The following CELF2 variants were observed in gnomAD, a reference collection of about 807,000 sequenced individuals.
CELF2 encodes CUG triplet repeat RNA-binding protein 2.
Under a neutral mutation model 62.6 loss-of-function variants are expected in CELF2, and 8 were observed. That is an observed-to-expected ratio of 0.13 (90% CI 0.07 to 0.23). The LOEUF (loss-of-function observed/expected upper bound fraction) is 0.23. Among genes scored for constraint, CELF2 ranks in the 10% least tolerant of loss-of-function variants. CELF2 has a pLI of 1.00. For synonymous variants in CELF2, 258 were observed against 250.0 expected (o/e 1.03, Z -0.30); for missense variants, 333 against 671.0 (o/e 0.50, Z 5.56).
chr10:10,850,550 A>T (rs1316770765), intron 1 of CELF2, among the ~76,000 whole-genome samples: 1 of 152,202 alleles, frequency 6.6e-6, no homozygotes, highest in African/African-American at 2.4e-5. Flanking sequence ...TCCTCCTTGG[A>T]TCTCATAATA....
chr10:11,101,317 C>G (rs138968143), intron 1 of CELF2, among the ~76,000 whole-genome samples: 92 of 152,242 alleles, frequency 6.0e-4, no homozygotes, highest in African/African-American at 1.9e-3. Flanking sequence ...ATGTACAGAT[C>G]GGTATGTCAT....
At chr10:10,633,440 G>C in the CELF2 span, among the ~76,000 whole-genome samples, 2 of 152,030 alleles carry the variant, frequency 1.3e-5, no homozygotes, top group Non-Finnish European at 2.9e-5. Context: ...GTATCTTTTT[G>C]GGTGTTTCCA....
At chr10:10,878,500 T>C (rs1056949784) in intron 1 of CELF2, among the ~76,000 whole-genome samples, 3 of 152,160 alleles carry the variant, frequency 2.0e-5, no homozygotes, top group Admixed American at 6.5e-5. Flanking sequence ...AAGCCTGAGA[T>C]TGGGGGGCTT....
chr10:11,326,221 A>G (rs976989421), intron 12 of CELF2, among the ~76,000 whole-genome samples: 3 of 152,254 alleles, frequency 2.0e-5, no homozygotes, highest in African/African-American at 4.8e-5. Flanking sequence ...ACCACAATTT[A>G]GCTCATCTTC....
chr10:11,332,406 GCCC>G lies in CELF2; in HGVS notation c.*3354_*3356del, dbSNP rs2096044568. Reference sequence around the variant, plus strand: ...ATATACCAGGTGTCTGGAGTTAGAAGCCCATAGCCCTTTCCCAGCCTTTTTGGT... The same window carrying G: ...ATATACCAGGTGTCTGGAGTTAGAAGATAGCCCTTTCCCAGCCTTTTTGGT... On this transcript the variant is annotated 3_prime_UTR_variant, in exon 13 of 13. Transcript: ENST00000633077. The G allele has an allele frequency of 6.6e-6, 1 of 152,374 alleles. No homozygotes were observed. The highest frequency in any genetic ancestry group is 2.4e-5 in the African/African-American group (1 of 41,416). 9.4% of individuals were successfully genotyped at this position (152,374 alleles called of 1,614,324 possible). A position where few individuals can be genotyped will look rare whatever the true frequency, so the allele number is the denominator to read the frequency against.
rs560900932 is a variant in CELF2 at position 11,255,103 on chromosome 10, G to A, written c.404-2635G>A. 6.6e-6 allele frequency among the ~76,000 whole-genome samples: 1 copy of A among 152,324 alleles called. No homozygotes were observed. The highest frequency in any genetic ancestry group is 1.9e-4 in the East Asian group (1 of 5,188). On this transcript the variant is annotated intron_variant, in intron 4 of 12. Transcript: ENST00000633077. The surrounding 1 kb of genome is among the most constrained non-coding windows in gnomAD (Gnocchi z 5.5). ...CTGGTGTCTCTCTGGCTTAGCTGTC[G>A]CGCCTGTGCTGCCCATGACTGACCA...
intron 2 of CELF2, among the ~76,000 whole-genome samples, chr10:11,204,373 C>T (rs1045101720): frequency 2.0e-5 from 3 of 152,144 alleles, no homozygotes; most frequent in African/African-American, 4.8e-5. Context: ...GAGAGTGTTG[C>T]ATGGACCATT....
At chr10:11,208,160 G>A (rs776940109) in intron 2 of CELF2, among the ~76,000 whole-genome samples, 1 of 152,074 alleles carries the variant, frequency 6.6e-6, no homozygotes, top group African/African-American at 2.4e-5. Flanking sequence ...CCTGTAGACT[G>A]GTGTTTTCCC....
intron 1 of CELF2, among the ~76,000 whole-genome samples, chr10:10,824,931 T>C (rs1312614418): frequency 1.3e-5 from 2 of 152,192 alleles, no homozygotes; most frequent in African/African-American, 4.8e-5. Flanking sequence ...AATGGAAATA[T>C]TTCATCAGGC....
chr10:11,252,286 A>C (rs1234894177), intron 4 of CELF2, among the ~76,000 whole-genome samples: 7 of 152,260 alleles, frequency 4.6e-5, no homozygotes, highest in African/African-American at 1.7e-4. Context: ...TCTTTGGCTC[A>C]GTTGCTCTAA....
At chr10:10,624,390 C>G in the CELF2 span, among the ~76,000 whole-genome samples, 1 of 152,200 alleles carries the variant, frequency 6.6e-6, no homozygotes, top group African/African-American at 2.4e-5. Context: ...GATGGCATTA[C>G]CTGAGTCACT....
At chr10:11,057,309 C>T (rs1594245615) in intron 1 of CELF2, among the ~76,000 whole-genome samples, 1 of 152,136 alleles carries the variant, frequency 6.6e-6, no homozygotes, top group African/African-American at 2.4e-5. Context: ...GGGGGTGGTC[C>T]AGCCCAACTA....
intron 9 of CELF2, among the ~76,000 whole-genome samples, chr10:11,299,616 C>T (rs1026939172): frequency 9.9e-5 from 15 of 152,188 alleles, no homozygotes; most frequent in African/African-American, 3.4e-4. Flanking sequence ...TATCCAACTG[C>T]CTCTTTTGTG....
At chr10:11,278,599 C>A (rs1179771082) in intron 8 of CELF2, among the ~76,000 whole-genome samples, 1 of 152,130 alleles carries the variant, frequency 6.6e-6, no homozygotes, top group African/African-American at 2.4e-5. Flanking sequence ...AACAGAAAAA[C>A]AAGGGGTAGT....
chr10:10,583,372 A>G, the CELF2 span, among the ~76,000 whole-genome samples: 2 of 152,074 alleles, frequency 1.3e-5, no homozygotes, highest in Non-Finnish European at 1.5e-5. Context: ...TCTCACCTAC[A>G]TTGTCCATGA....
intron 1 of CELF2, among the ~76,000 whole-genome samples, chr10:11,095,417 C>A (rs1027744780): frequency 6.6e-6 from 1 of 152,200 alleles, no homozygotes; most frequent in African/African-American, 2.4e-5. Flanking sequence ...CCATCCGTGA[C>A]TGTATGTAGC....
chr10:10,500,498 T>A, the CELF2 span, among the ~76,000 whole-genome samples: 1 of 152,206 alleles, frequency 6.6e-6, no homozygotes, highest in Admixed American at 6.5e-5. Flanking sequence ...CTGATGGTTT[T>A]ATAAAGGTTT....
chr10:10,699,617 G>A, the CELF2 span, among the ~76,000 whole-genome samples: 1 of 152,150 alleles, frequency 6.6e-6, no homozygotes, highest in Admixed American at 6.5e-5. Context: ...GGAGGTGACG[G>A]GTGAGGAAGC....
chr10:11,189,319 A>G (rs622672), intron 2 of CELF2, among the ~76,000 whole-genome samples: 57,722 of 152,052 alleles, frequency 0.38, 11,650 homozygotes, highest in East Asian at 0.67. Context: ...CTCTCTTCAC[A>G]TATATGTATC....
Sources: gnomAD v4.1 joint callset for allele counts (sites outside exome capture counted in the v4.1 genomes callset) on GRCh38, gnomAD v4.1.1 for gene constraint, Gnocchi (gnomAD v3.1) non-coding constraint, MANE v1.5 for transcripts, NCBI Gene and HGNC (gene_info 2026-07-23, HGNC 2026-07-21) for gene names.